SLC12A6: variants seen among roughly 807,000 people sequenced by gnomAD.
SLC12A6 encodes K-Cl cotransporter 3.
Under a neutral mutation model 135.3 loss-of-function variants are expected in SLC12A6, and 66 were observed. The observed-to-expected ratio is 0.49, with a 90% confidence interval of 0.40 to 0.60. SLC12A6 has a LOEUF of 0.60. SLC12A6 is among the 20% of genes least tolerant of loss of function. SLC12A6 has a pLI of 0.00. For missense variants in SLC12A6, 1,058 were observed against 1,452.3 expected (o/e 0.73, Z 4.41); for synonymous variants, 513 against 508.8 (o/e 1.01, Z -0.11).
At chr15:34,259,201 G>A (rs189451852) in intron 4 of SLC12A6, among the ~76,000 whole-genome samples, 115 of 152,240 alleles carry the variant, frequency 7.6e-4, no homozygotes, top group Admixed American at 2.0e-3. Context: ...TAAGCTGGGT[G>A]TGGTGGCACG....
At position 34,269,020 on chromosome 15, in the gene SLC12A6, C is replaced by T. The variant is rs376759747; in HGVS notation, c.316+6325G>A. ...TATAGGCGCCTGCCACCATGCCTGG[C>T]TAATTTTTTGTATTTTTAGTAGACA... On this transcript the variant is annotated intron_variant, in intron 3 of 25. Transcript: ENST00000354181. Among the ~76,000 whole-genome samples, 4 of 152,070 alleles carry T rather than the reference C, an allele frequency of 2.6e-5. No individual in the cohort carries two copies. The East Asian group carries it at 7.7e-4, about 29-fold the overall frequency.
chr15:34,259,007 A>C, intron 4 of SLC12A6, 63 bp from the exon 5 acceptor site: 1 of 1,379,870 alleles, frequency 7.2e-7, no homozygotes, highest in Non-Finnish European at 1.0e-6. Flanking sequence ...GTATCAAAAT[A>C]ATCTTGCTAC....
intron 7 of SLC12A6, among the ~76,000 whole-genome samples, chr15:34,255,757 G>GTTGATT (rs903332101): frequency 2.6e-5 from 4 of 151,972 alleles, no homozygotes; most frequent in Non-Finnish European, 5.9e-5. Flanking sequence ...GATTGCTTGA[G>GTTGATT]GCCAGGAGTT....
Position 34,307,439 on chromosome 15 carries a change from A to G in SLC12A6, c.271+28971T>C, listed in dbSNP as rs1053954060. 1.5e-4 allele frequency among the ~76,000 whole-genome samples: 23 copies of G among 152,184 alleles called. 1 individual carries two copies. The highest frequency in any genetic ancestry group is 1.2e-3 in the Admixed American group (19 of 15,276). On this transcript the variant is annotated intron_variant, in intron 2 of 25. Coordinates refer to ENST00000354181, the MANE Select transcript of SLC12A6 (RefSeq NM_001365088.1). Reference sequence around the variant, plus strand: ...ATAATTACAGTGTTACTGCAAGAATATTTGACTGCTGATAAATACCAATTA... The same window carrying G: ...ATAATTACAGTGTTACTGCAAGAATGTTTGACTGCTGATAAATACCAATTA...
Position 34,255,380 on chromosome 15 carries a change from T to C in SLC12A6, c.758A>G (p.Tyr253Cys). 1 of 1,610,126 alleles carries C rather than the reference T, an allele frequency of 6.2e-7. No individual in the cohort carries two copies. Among genetic ancestry groups the C allele is most frequent in the Non-Finnish European group, 8.5e-7 (1 of 1,176,438 alleles). The change falls in exon 8 of 26, where the codon TAC (tyrosine) becomes TGC (cysteine). Residue 253 changes from tyrosine to cysteine, a missense_variant. This residue lies in a region of SLC12A6 where 139 missense variants were observed against 202.2 expected (regional missense o/e 0.69). Transcript: ENST00000354181. ...TNGVVPAGGS[Y>C]FMISRALGPE... ...GCCCAGTGCCCGGGAAATCATAAAG[T>C]ATGAGCCCCCAGCTAAAAGACAAAA...
chr15:34,326,856 TGC>T (rs1889497356), intron 2 of SLC12A6, among the ~76,000 whole-genome samples: 1 of 131,626 alleles, frequency 7.6e-6, no homozygotes, highest in African/African-American at 3.1e-5. Context: ...CACAACTGGC[TGC>T]TTTTTTTTTT....
rs540022617 is a variant in SLC12A6, at chr15:34,336,118, C to G, written c.271+292G>C. Reference sequence around the variant, plus strand: ...GAAAACGATTACATTCTTTGATATTCACTTTTAACCAAAATACCCATTTCA... The same window carrying G: ...GAAAACGATTACATTCTTTGATATTGACTTTTAACCAAAATACCCATTTCA... On this transcript the variant is annotated intron_variant, in intron 2 of 25. Coordinates refer to ENST00000354181, the MANE Select transcript of SLC12A6 (RefSeq NM_001365088.1). 9.2e-5 allele frequency among the ~76,000 whole-genome samples: 14 copies of G among 152,236 alleles called. No individual in the cohort carries two copies. In the South Asian group the frequency reaches 2.9e-3, roughly 32 times the overall value.
chr15:34,239,169 GAC>G lies in SLC12A6; in HGVS notation c.2437-11_2437-10del, dbSNP rs754524085. ...ATTAGGTGCTTTATGGTCTGAAAGA[GAC>G]ACAGGACCGCAACACTGAACTGGTT... On this transcript the variant is annotated splice_polypyrimidine_tract_variant and intron_variant, in intron 19 of 25. Transcript: ENST00000354181. 1 of 1,601,538 alleles carries G rather than the reference GAC, an allele frequency of 6.2e-7. No individual in the cohort carries two copies. Among genetic ancestry groups the G allele is most frequent in the Non-Finnish European group, 8.6e-7 (1 of 1,168,694 alleles).
Position 34,250,332 on chromosome 15 carries a change from CA to C in SLC12A6, c.1614del (p.Phe538LeufsTer18), listed in dbSNP as rs1481540503. ...SFVYLSNVVL[F>X]GACIEGVVLR... is the part of the protein sequence containing the mutation. The stretch of plus-strand genomic sequence containing the variant: ...AGAACAACCCCTTCAATACATGCAC[CA>C]AAAAGGACAACATTGCTTAAATCTA... On this transcript the variant is annotated frameshift_variant, in exon 13 of 26. Transcript: ENST00000354181. LOFTEE classifies it high-confidence loss of function. 5 of 1,593,896 alleles carry C rather than the reference CA, an allele frequency of 3.1e-6. No homozygotes were observed. Among genetic ancestry groups the C allele is most frequent in the Non-Finnish European group, 4.3e-6 (5 of 1,161,550 alleles).
At chr15:34,262,484 A>T (rs2085966) in intron 3 of SLC12A6, among the ~76,000 whole-genome samples, 1 of 151,838 alleles carries the variant, frequency 6.6e-6, no homozygotes, top group Admixed American at 6.6e-5. Context: ...CCCACCAAAC[A>T]CAGGTACAAA....
chr15:34,316,451 C>A (rs1297437922), intron 2 of SLC12A6, among the ~76,000 whole-genome samples: 1 of 152,150 alleles, frequency 6.6e-6, no homozygotes, highest in African/African-American at 2.4e-5. Flanking sequence ...CTCCTTCCTA[C>A]CCTTGAATTT....
intron 2 of SLC12A6, among the ~76,000 whole-genome samples, chr15:34,313,902 T>C (rs1249058954): frequency 1.3e-5 from 2 of 149,350 alleles, no homozygotes; most frequent in African/African-American, 5.0e-5. Context: ...GCACAAGAGT[T>C]CAAGGCTGGC....
chr15:34,310,168 C>G (rs1003774000), intron 2 of SLC12A6, among the ~76,000 whole-genome samples: 2 of 137,008 alleles, frequency 1.5e-5, no homozygotes, highest in Non-Finnish European at 3.1e-5. Context: ...AACACCACGC[C>G]CAGCTAGTGT....
At chr15:34,305,386 T>G (rs1294393536) in intron 2 of SLC12A6, among the ~76,000 whole-genome samples, 1 of 131,882 alleles carries the variant, frequency 7.6e-6, no homozygotes, top group Non-Finnish European at 1.6e-5. Context: ...TTTTTAAAAG[T>G]TTTTTTTTTT....
intron 21 of SLC12A6, among the ~76,000 whole-genome samples, chr15:34,237,931 T>C (rs900756846): frequency 6.6e-6 from 1 of 152,262 alleles, no homozygotes; most frequent in Non-Finnish European, 1.5e-5. Flanking sequence ...TACACACATA[T>C]ACATATACCT....
At chr15:34,253,859 G>A (rs181170224) in intron 9 of SLC12A6, among the ~76,000 whole-genome samples, 3 of 152,304 alleles carry the variant, frequency 2.0e-5, no homozygotes, top group East Asian at 3.9e-4. Context: ...GGAGTTGAAG[G>A]AGGTGGTGAA....
Position 34,337,494 on chromosome 15 carries a change from T to C in SLC12A6, c.-235A>G, listed in dbSNP as rs1890277092. ...AGACACCTCGGACTGCAGCTCAGAG[T>C]CGTGGCAAGTCGTAGCTAGTCCACT... On this transcript the variant is annotated 5_prime_UTR_variant, in exon 1 of 26. Coordinates refer to ENST00000354181, the MANE Select transcript of SLC12A6 (RefSeq NM_001365088.1). 6.6e-6 allele frequency: 1 copy of C among 152,060 alleles called. No homozygotes were observed. The highest frequency in any genetic ancestry group is 2.4e-5 in the African/African-American group (1 of 41,306). The allele number at this position is 152,060 out of a possible 1,614,324, so 9.4% of individuals were successfully genotyped here. A position where few individuals can be genotyped will look rare whatever the true frequency, so the allele number is the denominator to read the frequency against.
intron 9 of SLC12A6, among the ~76,000 whole-genome samples, chr15:34,253,947 TG>T (rs1892565071): frequency 6.6e-6 from 1 of 152,272 alleles, no homozygotes; most frequent in South Asian, 2.1e-4. Context: ...CTGGGCGCAG[TG>T]GCTCACGCCT....
chr15:34,278,935 T>C (rs1048577074), intron 2 of SLC12A6, among the ~76,000 whole-genome samples: 2 of 152,158 alleles, frequency 1.3e-5, no homozygotes, highest in Admixed American at 1.3e-4. Flanking sequence ...TTATTATAAT[T>C]GAAAAATTAT....
Sources: gnomAD v4.1 joint callset for allele counts (sites outside exome capture counted in the v4.1 genomes callset) on GRCh38, gnomAD v4.1.1 for gene constraint, gnomAD v4.1.1 regional missense constraint, MANE v1.5 for transcripts, NCBI Gene and HGNC (gene_info 2026-07-23, HGNC 2026-07-21) for gene names.